ARHGEF28: variants seen among roughly 807,000 people sequenced by gnomAD.
ARHGEF28 encodes the protein 190 kDa guanine nucleotide exchange factor.
In ARHGEF28, 152 loss-of-function variants were observed where a neutral mutation model predicts 206.6. The ratio of observed to expected loss-of-function variants is 0.74; its 90% CI spans 0.64 to 0.84. The LOEUF is 0.84. ARHGEF28 is among the 40% of genes least tolerant of loss of function. The pLI is 0.00. For synonymous variants in ARHGEF28, 763 were observed against 776.4 expected, an observed-to-expected ratio of 0.98 and a Z score of 0.29; for missense variants, 2,028 against 2,073.2, an observed-to-expected ratio of 0.98 and a Z score of 0.42.
intron 1 of ARHGEF28, among the ~76,000 whole-genome samples, chr5:73,628,046 G>A (rs1354551357): frequency 6.6e-6 from 1 of 152,076 alleles, no homozygotes. Flanking sequence ...TAATAACTAA[G>A]TTTCTATGAA....
chr5:73,745,919 C>T (rs1751695094), intron 2 of ARHGEF28, among the ~76,000 whole-genome samples: 2 of 152,108 alleles, frequency 1.3e-5, no homozygotes, highest in South Asian at 4.1e-4. Context: ...TGGCCACCAG[C>T]AATGTTTACA....
intron 9 of ARHGEF28, among the ~76,000 whole-genome samples, chr5:73,825,195 AG>A (rs1350612582): frequency 6.6e-6 from 1 of 152,210 alleles, no homozygotes; most frequent in East Asian, 1.9e-4. Context: ...CTACTATGCT[AG>A]GTGATGGTAA....
chr5:73,806,416 ATATATAC>A (rs1755461754), intron 9 of ARHGEF28, among the ~76,000 whole-genome samples: 1 of 128,714 alleles, frequency 7.8e-6, no homozygotes, highest in African/African-American at 3.0e-5. Flanking sequence ...AGATATATAG[ATATATAC>A]TATATATAGT....
intron 30 of ARHGEF28, 76 bp from the exon 31 acceptor site, chr5:73,901,108 T>G: frequency 8.8e-7 from 1 of 1,132,844 alleles, no homozygotes; most frequent in South Asian, 1.3e-5. Context: ...GTGTTGGCCG[T>G]GTACAGAAGA....
At chr5:73,746,479 G>A (rs1295877479) in intron 2 of ARHGEF28, among the ~76,000 whole-genome samples, 1 of 152,026 alleles carries the variant, frequency 6.6e-6, no homozygotes, top group Non-Finnish European at 1.5e-5. Context: ...AAGACTGGAA[G>A]AGAATAGGAA....
At chr5:73,699,235 G>A (rs746285411) in intron 2 of ARHGEF28, among the ~76,000 whole-genome samples, 27 of 151,658 alleles carry the variant, frequency 1.8e-4, no homozygotes, top group Admixed American at 1.4e-3. Flanking sequence ...CTGAATAACC[G>A]TGAAGTTATG....
At chr5:73,921,827 G>A (rs1053628747) in intron 35 of ARHGEF28, among the ~76,000 whole-genome samples, 5 of 152,310 alleles carry the variant, frequency 3.3e-5, no homozygotes, top group South Asian at 4.1e-4. Flanking sequence ...TGGAAGAACC[G>A]TTTACAAGCA....
At chr5:73,766,025 G>C (rs1056171322) in intron 4 of ARHGEF28, among the ~76,000 whole-genome samples, 2 of 151,650 alleles carry the variant, frequency 1.3e-5, no homozygotes, top group Non-Finnish European at 2.9e-5. Flanking sequence ...AGTGGCGGGT[G>C]CCTGTAGTCC....
At chr5:73,646,071 C>T (rs947770194) in intron 1 of ARHGEF28, among the ~76,000 whole-genome samples, 2 of 152,160 alleles carry the variant, frequency 1.3e-5, no homozygotes, top group South Asian at 4.1e-4. Flanking sequence ...CCTGCTGCAC[C>T]AGAAATGGCT....
chr5:73,858,005 G>T, intron 15 of ARHGEF28, 82 bp from the exon 16 acceptor site: 1 of 1,526,210 alleles, frequency 6.6e-7, no homozygotes, highest in South Asian at 1.3e-5. Flanking sequence ...TTGCTCAGAT[G>T]ATTTCTATAA....
Position 73,691,727 on chromosome 5 carries a change from A to G in ARHGEF28, c.33+6843A>G, listed in dbSNP as rs545881768. On this transcript the variant is annotated intron_variant, in intron 2 of 35. Transcript: ENST00000513042. ...TCTGTATCTTTTCCAACTCAGTGAT[A>G]CTTTGTATAAACTCCTATAAGCCAT... 4.7e-4 allele frequency among the ~76,000 whole-genome samples: 71 copies of G among 152,334 alleles called. 1 individual carries two copies. The South Asian group carries it at 0.014, about 31-fold the overall frequency.
At chr5:73,661,298 T>C (rs1745585469) in intron 1 of ARHGEF28, among the ~76,000 whole-genome samples, 1 of 152,200 alleles carries the variant, frequency 6.6e-6, no homozygotes, top group Admixed American at 6.5e-5. Context: ...CTTCATACAA[T>C]GGAAGAGTTA....
At chr5:73,679,125 G>A (rs866942734) in intron 1 of ARHGEF28, among the ~76,000 whole-genome samples, 4 of 152,268 alleles carry the variant, frequency 2.6e-5, no homozygotes, top group Non-Finnish European at 4.4e-5. Context: ...TCCATGACAT[G>A]TTCTCTTTGG....
Position 73,873,160 on chromosome 5 carries a change from A to G in ARHGEF28, c.2728A>G (p.Ser910Gly), listed in dbSNP as rs762222036. The G allele has an allele frequency of 6.8e-6, 11 of 1,612,676 alleles. No homozygotes were observed. The South Asian group carries it at 1.2e-4, about 18-fold the overall frequency. ...LLEIHRHFFY[S>G]MKERRQESCA... ...TGAAATCCACAGGCATTTCTTCTAC[A>G]GTATGAAGGAACGAAGGCAGGAATC... The change falls in exon 22 of 36, where the codon AGT becomes GGT. Residue 910 changes from serine (S) to glycine (G), a missense_variant. Physicochemically the swap from Ser to Gly is moderately conservative, Grantham distance 56. Coordinates refer to ENST00000513042, the MANE Select transcript of ARHGEF28 (RefSeq NM_001177693.2).
intron 9 of ARHGEF28, among the ~76,000 whole-genome samples, chr5:73,814,761 C>G (rs1398187839): frequency 6.6e-6 from 1 of 152,090 alleles, no homozygotes; most frequent in African/African-American, 2.4e-5. Context: ...GTCAGCAAAC[C>G]AGCTTAGCTT....
At chr5:73,721,294 C>A (rs1314456299) in intron 2 of ARHGEF28, among the ~76,000 whole-genome samples, 1 of 152,136 alleles carries the variant, frequency 6.6e-6, no homozygotes, top group African/African-American at 2.4e-5. Flanking sequence ...TTTGGGGACA[C>A]CTATTAGCTT....
chr5:73,634,453 C>T (rs1345530686), intron 1 of ARHGEF28, among the ~76,000 whole-genome samples: 2 of 152,158 alleles, frequency 1.3e-5, no homozygotes, highest in African/African-American at 4.8e-5. Flanking sequence ...TCCAAAATGC[C>T]ACTGCTTTTT....
intron 2 of ARHGEF28, among the ~76,000 whole-genome samples, chr5:73,731,158 G>A (rs1750603105): frequency 6.6e-6 from 1 of 152,112 alleles, no homozygotes; most frequent in South Asian, 2.1e-4. Flanking sequence ...TTCTGTGATT[G>A]TTGGGAAGAT....
chr5:73,791,955 G>A (rs1754509298), intron 7 of ARHGEF28, among the ~76,000 whole-genome samples: 1 of 152,154 alleles, frequency 6.6e-6, no homozygotes, highest in Admixed American at 6.5e-5. Context: ...ATTGCACTGT[G>A]TAATTGGTGG....
Sources: allele counts gnomAD v4.1 joint callset (sites outside exome capture counted in the v4.1 genomes callset), GRCh38; gene constraint gnomAD v4.1.1; transcripts MANE v1.5; gene names NCBI Gene and HGNC (gene_info 2026-07-23, HGNC 2026-07-21).